Variants in B3GLCT observed in about 807,000 individuals in gnomAD.
The protein encoded by B3GLCT is beta-1,3-glucosyltransferase.
Under a neutral mutation model 63.4 loss-of-function variants are expected in B3GLCT, and 65 were observed. The ratio of observed to expected loss-of-function variants is 1.03; its 90% CI spans 0.84 to 1.26. The LOEUF is 1.26. Among genes scored for constraint, B3GLCT ranks in the 50% most tolerant of loss-of-function variants. B3GLCT has a pLI of 0.00. For missense variants in B3GLCT, 577 were observed against 604.8 expected (o/e 0.95, Z 0.48); for synonymous variants, 233 against 219.2 (o/e 1.06, Z -0.55).
At chr13:31,274,836 C>T (rs1872709642) in intron 9 of B3GLCT, among the ~76,000 whole-genome samples, 2 of 152,200 alleles carry the variant, frequency 1.3e-5, no homozygotes, top group Non-Finnish European at 2.9e-5. Context: ...AGGAAGTTTT[C>T]AAACCTTGCT....
At chr13:31,215,917 G>T (rs370130050) in intron 2 of B3GLCT, among the ~76,000 whole-genome samples, 1 of 152,160 alleles carries the variant, frequency 6.6e-6, no homozygotes, top group Non-Finnish European at 1.5e-5. Context: ...CAGGGGACTC[G>T]CAGAGAGCAG....
At chr13:31,267,190 C>T (rs554832002) in intron 7 of B3GLCT, among the ~76,000 whole-genome samples, 8 of 152,320 alleles carry the variant, frequency 5.3e-5, no homozygotes, top group African/African-American at 1.9e-4. Context: ...TTTAAGGTAA[C>T]AGTACTAAGG....
intron 3 of B3GLCT, among the ~76,000 whole-genome samples, chr13:31,226,333 A>C (rs1358578941): frequency 6.6e-6 from 1 of 152,250 alleles, no homozygotes; most frequent in Non-Finnish European, 1.5e-5. Flanking sequence ...TGCTGAATGA[A>C]TGAATGAAGC....
At chr13:31,212,508 C>T (rs918388105) in intron 1 of B3GLCT, among the ~76,000 whole-genome samples, 5 of 152,048 alleles carry the variant, frequency 3.3e-5, no homozygotes, top group Non-Finnish European at 5.9e-5. Context: ...CTCCTGACCT[C>T]GTGATCCGCC....
At chr13:31,296,016 G>A (rs770911184) in intron 12 of B3GLCT, among the ~76,000 whole-genome samples, 5 of 152,194 alleles carry the variant, frequency 3.3e-5, no homozygotes, top group Non-Finnish European at 7.3e-5. Flanking sequence ...GGGCTGGAAT[G>A]CACCATTCCT....
rs370882592 is a variant in B3GLCT at position 31,251,146 on chromosome 13, TAAAC to T, written c.459+3182_459+3185del. Among the ~76,000 whole-genome samples the T allele has an allele frequency of 8.3e-4, 127 of 152,134 alleles. 2 individuals are homozygous for T. The East Asian group carries it at 0.011, about 13-fold the overall frequency. ...ACCAGACTGTTAGAAGGAAAACTAATAAACAGAAAGGAATAGTATCAACATCAAC... is the reference window on the plus strand; with the variant it reads ...ACCAGACTGTTAGAAGGAAAACTAATAGAAAGGAATAGTATCAACATCAAC... On this transcript the variant is annotated intron_variant, in intron 6 of 14. Transcript: ENST00000343307.
At chr13:31,326,272 T>TC (rs1212720931) in intron 14 of B3GLCT, among the ~76,000 whole-genome samples, 2 of 133,342 alleles carry the variant, frequency 1.5e-5, no homozygotes, top group African/African-American at 5.4e-5. Flanking sequence ...AGGAGGTCTT[T>TC]CCCTTTTTTT....
intron 12 of B3GLCT, among the ~76,000 whole-genome samples, chr13:31,311,996 C>T (rs1874734495): frequency 6.6e-6 from 1 of 152,178 alleles, no homozygotes; most frequent in Non-Finnish European, 1.5e-5. Flanking sequence ...GGGAGAGAGA[C>T]ATTGACAAAA....
At chr13:31,324,690 T>C (rs1593323395) in intron 14 of B3GLCT, among the ~76,000 whole-genome samples, 1 of 152,212 alleles carries the variant, frequency 6.6e-6, no homozygotes, top group African/African-American at 2.4e-5. Flanking sequence ...CCTTCTCTTA[T>C]ATTGAAAATA....
At chr13:31,318,191 T>C (rs1206136393) in intron 13 of B3GLCT, among the ~76,000 whole-genome samples, 1 of 152,192 alleles carries the variant, frequency 6.6e-6, no homozygotes, top group Non-Finnish European at 1.5e-5. Flanking sequence ...CGAAGAAAGA[T>C]TTTAACTTGA....
At chr13:31,216,083 T>A (rs1042825878) in intron 2 of B3GLCT, among the ~76,000 whole-genome samples, 1 of 152,226 alleles carries the variant, frequency 6.6e-6, no homozygotes, top group African/African-American at 2.4e-5. Context: ...TTTGTCATAT[T>A]AAAGCTCAGT....
chr13:31,315,510 G>A (rs1373118082), intron 12 of B3GLCT, among the ~76,000 whole-genome samples: 2 of 152,168 alleles, frequency 1.3e-5, no homozygotes, highest in Admixed American at 6.5e-5. Flanking sequence ...GCATTCATGA[G>A]GTGACCTGGC....
At chr13:31,224,348 G>A (rs1416623430) in intron 3 of B3GLCT, among the ~76,000 whole-genome samples, 3 of 152,112 alleles carry the variant, frequency 2.0e-5, no homozygotes, top group Non-Finnish European at 4.4e-5. Context: ...AATTAATGAT[G>A]CAAGTCTGGA....
At chr13:31,320,721 G>A (rs1306344316) in intron 13 of B3GLCT, among the ~76,000 whole-genome samples, 3 of 151,388 alleles carry the variant, frequency 2.0e-5, no homozygotes, top group African/African-American at 7.3e-5. Context: ...TACCTTTCTA[G>A]CCTCATCCAT....
At chr13:31,231,555 A>G (rs969977642) in intron 4 of B3GLCT, among the ~76,000 whole-genome samples, 2 of 151,142 alleles carry the variant, frequency 1.3e-5, no homozygotes, top group African/African-American at 4.9e-5. Context: ...CTGTTCATCC[A>G]CTCTTATTTT....
chr13:31,220,537 C>T (rs765860345), intron 2 of B3GLCT, among the ~76,000 whole-genome samples: 3 of 152,156 alleles, frequency 2.0e-5, no homozygotes, highest in Non-Finnish European at 2.9e-5. Context: ...TTAGGAAGAA[C>T]TAAGTCTTTT....
chr13:31,250,684 C>T (rs1026140926), intron 6 of B3GLCT, among the ~76,000 whole-genome samples: 12 of 152,130 alleles, frequency 7.9e-5, no homozygotes, highest in African/African-American at 2.9e-4. Context: ...CTGGGCAGGG[C>T]GTCTCTGAAA....
rs1875955690 is a variant in B3GLCT, at chr13:31,332,102, G to A, written c.*2434G>A. On this transcript the variant is annotated 3_prime_UTR_variant, in exon 15 of 15. Transcript: ENST00000343307. The stretch of plus-strand genomic sequence containing the variant: ...CTAAATCACAAATGATGCTATGTAT[G>A]GGTATGTAAATATCAGTGCTGTCTG... The A allele has an allele frequency of 6.6e-6, 1 of 152,186 alleles. No homozygotes were observed. Among genetic ancestry groups the A allele is most frequent in the Admixed American group, 6.5e-5 (1 of 15,274 alleles). 9.4% of individuals were successfully genotyped at this position (152,186 alleles called of 1,614,324 possible). A position where few individuals can be genotyped will look rare whatever the true frequency, so the allele number is the denominator to read the frequency against.
chr13:31,209,194 G>A (rs1367858344), intron 1 of B3GLCT, among the ~76,000 whole-genome samples: 1 of 152,224 alleles, frequency 6.6e-6, no homozygotes, highest in Non-Finnish European at 1.5e-5. Context: ...CTGCTACTGT[G>A]GGGACAGGGG....
Sources: allele counts gnomAD v4.1 joint callset (sites outside exome capture counted in the v4.1 genomes callset), GRCh38; gene constraint gnomAD v4.1.1; transcripts MANE v1.5; gene names NCBI Gene and HGNC (gene_info 2026-07-23, HGNC 2026-07-21).